Variants in MGAT4C observed in about 807,000 individuals in gnomAD.
MGAT4C encodes the protein MGAT4 family member C.
Under a neutral mutation model 40.1 loss-of-function variants are expected in MGAT4C, and 19 were observed. That is an observed-to-expected ratio of 0.47 (90% CI 0.33 to 0.70). The LOEUF is 0.70. MGAT4C is among the 30% of genes least tolerant of loss of function. The pLI, the probability that MGAT4C is intolerant of heterozygous loss-of-function variation, is 0.02. For synonymous variants in MGAT4C, 181 were observed against 187.1 expected (o/e 0.97, Z 0.27); for missense variants, 491 against 563.2 (o/e 0.87, Z 1.30).
intron 2 of MGAT4C, among the ~76,000 whole-genome samples, chr12:86,552,496 A>G (rs1959415533): frequency 6.6e-6 from 1 of 152,154 alleles, no homozygotes; most frequent in South Asian, 2.1e-4. Context: ...AATATATCAT[A>G]TAATTTCAAA....
intron 4 of MGAT4C, among the ~76,000 whole-genome samples, chr12:86,333,470 G>T (rs1021193970): frequency 1.3e-5 from 2 of 152,020 alleles, no homozygotes; most frequent in African/African-American, 2.4e-5. Flanking sequence ...TGTAGCCATG[G>T]CAGGGTTCAA....
At position 86,315,373 on chromosome 12, in the gene MGAT4C, A is replaced by G. The variant is rs1190685629; in HGVS notation, c.-57+18692T>C. 1.3e-5 allele frequency among the ~76,000 whole-genome samples: 2 copies of G among 152,184 alleles called. 1 individual carries two copies. The highest frequency in any genetic ancestry group is 2.9e-5 in the Non-Finnish European group (2 of 68,028). On this transcript the variant is annotated intron_variant, in intron 4 of 7. Coordinates refer to the MGAT4C transcript ENST00000548651. ...CATACAAAAAATAACTCAAGATGGA[A>G]TAAATATTTAAATGTTAAGACCTCA...
At chr12:86,138,458 T>C (rs1196870460) in intron 1 of MGAT4C, among the ~76,000 whole-genome samples, 1 of 148,462 alleles carries the variant, frequency 6.7e-6, no homozygotes, top group Admixed American at 6.8e-5. Context: ...ATAACATATA[T>C]ATATATTTCC....
chr12:86,755,848 A>G (rs1484930303), intron 1 of MGAT4C, among the ~76,000 whole-genome samples: 2 of 151,918 alleles, frequency 1.3e-5, no homozygotes, highest in African/African-American at 2.4e-5. Flanking sequence ...GAGTTTCATC[A>G]TGTTGCCCAG....
chr12:86,687,818 G>A (rs1449563435), intron 2 of MGAT4C, among the ~76,000 whole-genome samples: 2 of 152,124 alleles, frequency 1.3e-5, no homozygotes, highest in Non-Finnish European at 2.9e-5. Context: ...CGTTGATTTG[G>A]GGTGGAGTGT....
At chr12:86,358,833 C>T (rs1302748897) in intron 3 of MGAT4C, among the ~76,000 whole-genome samples, 1 of 152,140 alleles carries the variant, frequency 6.6e-6, no homozygotes, top group Non-Finnish European at 1.5e-5. Flanking sequence ...AAAGCAAGTC[C>T]TTAGAGACCT....
intron 3 of MGAT4C, among the ~76,000 whole-genome samples, chr12:86,408,448 A>ACTCTGTCTCTCT (rs1956520465): frequency 3.4e-5 from 1 of 29,362 alleles, no homozygotes; most frequent in African/African-American, 1.4e-4. Flanking sequence ...TACATAGTAA[A>ACTCTGTCTCTCT]CTCTCTCTCT....
intron 4 of MGAT4C, among the ~76,000 whole-genome samples, chr12:86,295,142 T>A (rs1953630318): frequency 6.6e-6 from 1 of 152,234 alleles, no homozygotes; most frequent in African/African-American, 2.4e-5. Flanking sequence ...AATCTCAATA[T>A]ATTTTAGTTC....
At chr12:86,369,649 A>G (rs993396622) in intron 3 of MGAT4C, among the ~76,000 whole-genome samples, 5 of 151,938 alleles carry the variant, frequency 3.3e-5, no homozygotes, top group African/African-American at 9.7e-5. Context: ...GTCAGAATTT[A>G]TTTTTTTAAT....
At chr12:86,601,660 A>C (rs933687819) in intron 2 of MGAT4C, among the ~76,000 whole-genome samples, 1 of 152,164 alleles carries the variant, frequency 6.6e-6, no homozygotes, top group African/African-American at 2.4e-5. Flanking sequence ...CTGCTGGCTC[A>C]CTGAGCTGTG....
chr12:86,339,540 C>G (rs1282638228), intron 3 of MGAT4C, among the ~76,000 whole-genome samples: 1 of 152,134 alleles, frequency 6.6e-6, no homozygotes, highest in Non-Finnish European at 1.5e-5. Flanking sequence ...AATTTGATCA[C>G]TCAATCTTCT....
At chr12:86,833,329 A>C (rs1334636025) in intron 1 of MGAT4C, among the ~76,000 whole-genome samples, 2 of 151,906 alleles carry the variant, frequency 1.3e-5, no homozygotes, top group East Asian at 1.9e-4. Flanking sequence ...ACAGAATCTT[A>C]TGTGGCCTAC....
At chr12:86,451,831 G>C (rs1957429022) in intron 2 of MGAT4C, among the ~76,000 whole-genome samples, 1 of 152,074 alleles carries the variant, frequency 6.6e-6, no homozygotes, top group African/African-American at 2.4e-5. Context: ...AAAAATTTCA[G>C]TGCTAGGGTT....
chr12:86,095,210 C>T (rs770567170), intron 1 of MGAT4C, among the ~76,000 whole-genome samples: 12 of 152,190 alleles, frequency 7.9e-5, no homozygotes, highest in Non-Finnish European at 1.6e-4. Flanking sequence ...CTAGCGCATG[C>T]TCTTCACATG....
intron 2 of MGAT4C, among the ~76,000 whole-genome samples, chr12:86,625,980 G>A (rs1056988737): frequency 6.6e-6 from 1 of 152,024 alleles, no homozygotes; most frequent in African/African-American, 2.4e-5. Flanking sequence ...CCACCTATAT[G>A]CTGCCTTCAA....
chr12:86,448,161 T>G (rs886888415), intron 2 of MGAT4C, among the ~76,000 whole-genome samples: 1 of 152,144 alleles, frequency 6.6e-6, no homozygotes, highest in Admixed American at 6.6e-5. Context: ...TGAGACATGG[T>G]TCACACAGTC....
intron 1 of MGAT4C, among the ~76,000 whole-genome samples, chr12:86,187,713 T>C (rs1403589722): frequency 1.3e-5 from 2 of 150,558 alleles, no homozygotes; most frequent in Non-Finnish European, 3.0e-5. Context: ...TGCTACTACT[T>C]GGCTGTTAGG....
chr12:86,157,269 T>C (rs1414955504), intron 1 of MGAT4C, among the ~76,000 whole-genome samples: 1 of 152,196 alleles, frequency 6.6e-6, no homozygotes, highest in Non-Finnish European at 1.5e-5. Context: ...TTTGTAATTA[T>C]AAGTAAATGC....
At chr12:86,137,628 T>C (rs1277021809) in intron 1 of MGAT4C, among the ~76,000 whole-genome samples, 1 of 152,206 alleles carries the variant, frequency 6.6e-6, no homozygotes, top group Non-Finnish European at 1.5e-5. Context: ...ATCGACCATG[T>C]CTAGGAACTC....
Sources: allele counts gnomAD v4.1 joint callset (sites outside exome capture counted in the v4.1 genomes callset), GRCh38; gene constraint gnomAD v4.1.1; transcripts MANE v1.5; gene names NCBI Gene and HGNC (gene_info 2026-07-23, HGNC 2026-07-21).